MYZAP: variants seen among roughly 807,000 people sequenced by gnomAD.
The protein encoded by MYZAP is myocardial zonula adherens protein, also known as GRINL1A complex locus upstream.
Under a neutral mutation model 69.4 loss-of-function variants are expected in MYZAP, and 66 were observed. The ratio of observed to expected loss-of-function variants is 0.95; its 90% CI spans 0.78 to 1.17. The LOEUF is 1.17. Among genes scored for constraint, MYZAP ranks in the 50% most tolerant of loss-of-function variants. The pLI, the probability that MYZAP is intolerant of heterozygous loss-of-function variation, is 0.00. For synonymous variants in MYZAP, 256 were observed against 205.9 expected, an observed-to-expected ratio of 1.24 and a Z score of -2.09; for missense variants, 611 against 556.2, an observed-to-expected ratio of 1.10 and a Z score of -0.99.
chr15:57,684,227 C>T (rs181890589), intron 12 of MYZAP, among the ~76,000 whole-genome samples, 175 bp from the exon 13 acceptor site: 140 of 152,272 alleles, frequency 9.2e-4, no homozygotes, highest in African/African-American at 3.3e-3. Flanking sequence ...TTTGGGAAAA[C>T]GTAAAGTCCA....
rs866578359 is a variant in MYZAP, at chr15:57,618,100, G to A, written c.230G>A (p.Arg77Gln). 5.6e-6 allele frequency: 9 copies of A among 1,614,038 alleles called. No individual in the cohort carries two copies. The African/African-American group carries it at 8.0e-5, about 14-fold the overall frequency. ...CAGGGTGTTGTTTATGGTGTGGTGC[G>A]AAGATCAGATCAAAATCAGCAGAAA... ...LPQGVVYGVV[R>Q]RSDQNQQKEM... Residue 77 changes from arginine to glutamine, a missense_variant, in exon 3 of 13, where the codon CGA becomes CAA. Arg to Gln is a conservative substitution (Grantham distance 43, BLOSUM62 1). Coordinates refer to ENST00000267853, the MANE Select transcript of MYZAP (RefSeq NM_001018100.5).
chr15:57,671,352 A>C (rs930157446), intron 11 of MYZAP, among the ~76,000 whole-genome samples: 18 of 152,084 alleles, frequency 1.2e-4, no homozygotes, highest in Admixed American at 1.3e-4. Flanking sequence ...CAGAAGTTTG[A>C]CTGTAATGTG....
chr15:57,634,083 G>A (rs2036670207), intron 8 of MYZAP, among the ~76,000 whole-genome samples: 1 of 152,158 alleles, frequency 6.6e-6, no homozygotes, highest in Non-Finnish European at 1.5e-5. Flanking sequence ...CAGCCCTGTT[G>A]TTTCTGGGGC....
At chr15:57,607,778 T>C (rs958144537) in intron 2 of MYZAP, among the ~76,000 whole-genome samples, 1 of 152,150 alleles carries the variant, frequency 6.6e-6, no homozygotes, top group Non-Finnish European at 1.5e-5. Flanking sequence ...AGGGATGAAG[T>C]CCTTGGGTGG....
chr15:57,636,652 A>T (rs550775849), intron 8 of MYZAP, among the ~76,000 whole-genome samples: 5 of 152,232 alleles, frequency 3.3e-5, no homozygotes, highest in African/African-American at 1.2e-4. Context: ...TTACACTAAC[A>T]TCTGTAATGT....
intron 2 of MYZAP, among the ~76,000 whole-genome samples, chr15:57,615,649 G>T (rs2035387132): frequency 1.3e-5 from 2 of 152,210 alleles, no homozygotes; most frequent in African/African-American, 2.4e-5. Flanking sequence ...GGTATTTGGG[G>T]AGTTTCATTA....
Position 57,654,863 on chromosome 15 carries a change from A to G in MYZAP, c.1120-6587A>G, listed in dbSNP as rs945255409. On this transcript the variant is annotated intron_variant, in intron 10 of 12. Coordinates refer to ENST00000267853, the MANE Select transcript of MYZAP (RefSeq NM_001018100.5). The stretch of plus-strand genomic sequence containing the variant: ...CTGGTTGACGTATAAGCTCTTTTCA[A>G]AACATATTGGGGGGACTTTTTTTTT... Among the ~76,000 whole-genome samples the G allele has an allele frequency of 2.6e-5, 4 of 152,194 alleles. No individual in the cohort carries two copies. The East Asian group carries it at 7.7e-4, about 29-fold the overall frequency.
chr15:57,605,328 A>G (rs562725034), intron 2 of MYZAP, among the ~76,000 whole-genome samples: 2 of 152,316 alleles, frequency 1.3e-5, no homozygotes, highest in African/African-American at 4.8e-5. Context: ...GGTGCCAGGA[A>G]GTAGGCAGTA....
intron 1 of MYZAP, among the ~76,000 whole-genome samples, chr15:57,593,574 A>G (rs1349666524): frequency 1.3e-5 from 2 of 152,184 alleles, no homozygotes; most frequent in Non-Finnish European, 2.9e-5. Context: ...GTATACAAAT[A>G]ACATTTCTGA....
intron 1 of MYZAP, among the ~76,000 whole-genome samples, chr15:57,602,425 C>G (rs2034473987): frequency 6.6e-6 from 1 of 152,112 alleles, no homozygotes; most frequent in South Asian, 2.1e-4. Flanking sequence ...GTATGTGTGT[C>G]TCTCCCCAAA....
intron 4 of MYZAP, 47 bp from the exon 5 acceptor site, chr15:57,625,732 A>T (rs1427224842): frequency 6.4e-7 from 1 of 1,568,482 alleles, no homozygotes; most frequent in African/African-American, 1.4e-5. Flanking sequence ...GATTGTCGTG[A>T]ACGTGTAGGG....
At chr15:57,620,129 A>G (rs918117641) in intron 3 of MYZAP, among the ~76,000 whole-genome samples, 4 of 152,186 alleles carry the variant, frequency 2.6e-5, no homozygotes, top group Non-Finnish European at 5.9e-5. Flanking sequence ...GCCTAGAATG[A>G]AAAGTTGTAC....
chr15:57,621,908 A>C (rs1444688634), intron 4 of MYZAP, among the ~76,000 whole-genome samples: 3 of 152,224 alleles, frequency 2.0e-5, no homozygotes, highest in African/African-American at 7.2e-5. Flanking sequence ...ATTCATATTC[A>C]AAGCATTCTC....
chr15:57,650,828 A>T (rs1304213399), intron 10 of MYZAP, among the ~76,000 whole-genome samples: 7 of 152,204 alleles, frequency 4.6e-5, no homozygotes, highest in African/African-American at 2.4e-5. Context: ...ATATAGAATA[A>T]ATAAAAGCAA....
chr15:57,653,034 G>A (rs1427724842), intron 10 of MYZAP, among the ~76,000 whole-genome samples: 5 of 152,014 alleles, frequency 3.3e-5, no homozygotes, highest in South Asian at 2.1e-4. Flanking sequence ...TTATTCTTTC[G>A]TTAAAGCCAT....
intron 11 of MYZAP, among the ~76,000 whole-genome samples, chr15:57,670,495 T>C (rs1450251668): frequency 6.6e-6 from 1 of 152,102 alleles, no homozygotes; most frequent in Admixed American, 6.5e-5. Flanking sequence ...AAAGTACATC[T>C]CTTATAGAAA....
At chr15:57,670,706 A>T (rs1372704714) in intron 11 of MYZAP, among the ~76,000 whole-genome samples, 1 of 151,764 alleles carries the variant, frequency 6.6e-6, no homozygotes, top group Non-Finnish European at 1.5e-5. Context: ...CTTTTGGATT[A>T]TTTCAATTTT....
chr15:57,678,138 G>C (rs188597969), intron 12 of MYZAP, among the ~76,000 whole-genome samples: 1 of 152,188 alleles, frequency 6.6e-6, no homozygotes, highest in Admixed American at 6.5e-5. Flanking sequence ...CAAGGCAGTG[G>C]ATTGCCTGAG....
chr15:57,652,069 C>A (rs1172923333), intron 10 of MYZAP, among the ~76,000 whole-genome samples: 1 of 152,140 alleles, frequency 6.6e-6, no homozygotes, highest in African/African-American at 2.4e-5. Flanking sequence ...GTGCCATGTT[C>A]ATATCTAGCC....
Sources: allele counts gnomAD v4.1 joint callset (sites outside exome capture counted in the v4.1 genomes callset), GRCh38; gene constraint gnomAD v4.1.1; transcripts MANE v1.5; gene names NCBI Gene and HGNC (gene_info 2026-07-23, HGNC 2026-07-21).